The following MAL2 variants were observed in gnomAD, a reference collection of about 807,000 sequenced individuals.
MAL2 encodes protein MAL2.
Under a neutral mutation model 18.1 loss-of-function variants are expected in MAL2, and 17 were observed. That is an observed-to-expected ratio of 0.94 (90% confidence interval 0.64 to 1.41). The LOEUF (loss-of-function observed/expected upper bound fraction) is 1.41, where lower values mean the gene tolerates loss of function less well. MAL2 is among the 40% of genes most tolerant of loss of function. The pLI, the probability that MAL2 is intolerant of heterozygous loss-of-function variation, is 0.00. For synonymous variants in MAL2, 102 were observed against 102.3 expected, an observed-to-expected ratio of 1.00 and a Z score of 0.02; for missense variants, 222 against 231.9, an observed-to-expected ratio of 0.96 and a Z score of 0.28.
intron 3 of MAL2, 44 bp from the exon 4 acceptor site, chr8:119,243,373 C>A: frequency 6.8e-7 from 1 of 1,462,740 alleles, no homozygotes; most frequent in South Asian, 1.3e-5. Context: ...GTTTATAAGT[C>A]GGTGTTGTAA....
intron 2 of MAL2, among the ~76,000 whole-genome samples, chr8:119,227,054 T>A (rs939350854): frequency 6.6e-6 from 1 of 152,222 alleles, no homozygotes; most frequent in Non-Finnish European, 1.5e-5. Context: ...TACTGAGTAG[T>A]TGGCCCTATA....
At chr8:119,227,740 C>T (rs1255389554) in intron 2 of MAL2, among the ~76,000 whole-genome samples, 1 of 152,200 alleles carries the variant, frequency 6.6e-6, no homozygotes, top group African/African-American at 2.4e-5. Flanking sequence ...AGTCACTCCT[C>T]TGGGGTTCCC....
At chr8:119,217,727 T>C (rs1212855503) in intron 1 of MAL2, among the ~76,000 whole-genome samples, 2 of 152,184 alleles carry the variant, frequency 1.3e-5, no homozygotes, top group East Asian at 3.9e-4. Flanking sequence ...GCTACTGTAT[T>C]TATCATCTGT....
At chr8:119,237,957 A>T (rs1817948335) in intron 2 of MAL2, among the ~76,000 whole-genome samples, 1 of 152,214 alleles carries the variant, frequency 6.6e-6, no homozygotes, top group African/African-American at 2.4e-5. Flanking sequence ...GGCAGAAGGA[A>T]ATAAAAGGTA....
intron 2 of MAL2, among the ~76,000 whole-genome samples, chr8:119,230,179 A>G (rs1431574717): frequency 2.0e-5 from 3 of 152,224 alleles, no homozygotes; most frequent in Non-Finnish European, 4.4e-5. Flanking sequence ...CTAAAACTCC[A>G]GGAACCTCCA....
intron 2 of MAL2, among the ~76,000 whole-genome samples, chr8:119,230,441 G>C (rs559900396): frequency 2.4e-4 from 36 of 152,204 alleles, no homozygotes; most frequent in Middle Eastern, 3.4e-3. Context: ...GGCAGGATTG[G>C]GGGGGCGGGA....
rs1240530134 is a variant in MAL2, at chr8:119,244,691, G to T, written c.*1203G>T. On this transcript the variant is annotated 3_prime_UTR_variant, in exon 4 of 4. Coordinates refer to ENST00000614891, the MANE Select transcript of MAL2 (RefSeq NM_052886.3). ...AAGTTGTAGATTCTTATGTGTTTTT[G>T]TATTAGCCCAGACATCTGTAATGTT... 6.6e-6 allele frequency: 1 copy of T among 152,134 alleles called. No individual in the cohort carries two copies. Among genetic ancestry groups the T allele is most frequent in the Non-Finnish European group, 1.5e-5 (1 of 68,006 alleles). 9.4% of individuals were successfully genotyped at this position (152,134 alleles called of 1,614,324 possible).
chr8:119,218,200 T>C (rs1399113259), intron 1 of MAL2, among the ~76,000 whole-genome samples: 2 of 152,070 alleles, frequency 1.3e-5, no homozygotes, highest in Non-Finnish European at 2.9e-5. Context: ...CATATGTATT[T>C]ACTTGAGTGA....
In MAL2 at chr8:119,221,916, T is replaced by C. The variant is rs528403329; in HGVS notation, c.303+159T>C. 2.6e-4 allele frequency among the ~76,000 whole-genome samples: 40 copies of C among 152,190 alleles called. No homozygotes were observed. In the East Asian group the frequency reaches 6.0e-3, roughly 23 times the overall value. On this transcript the variant is annotated intron_variant, in intron 2 of 3. Transcript: ENST00000614891. The stretch of plus-strand genomic sequence containing the variant: ...GGTGCTGCGGTGGTGTGTGGCTGCC[T>C]TGATGGACAACAGGGCCCCAGTTTG...
At chr8:119,211,797 T>C (rs1817271862) in intron 1 of MAL2, among the ~76,000 whole-genome samples, 1 of 151,106 alleles carries the variant, frequency 6.6e-6, no homozygotes, top group African/African-American at 2.4e-5. Context: ...TACTTACCAA[T>C]GTATGCTTGC....
At chr8:119,228,131 C>T (rs1817635129) in intron 2 of MAL2, among the ~76,000 whole-genome samples, 1 of 152,180 alleles carries the variant, frequency 6.6e-6, no homozygotes, top group African/African-American at 2.4e-5. Context: ...TTACTGCCAT[C>T]CTGACTTCCA....
intron 2 of MAL2, among the ~76,000 whole-genome samples, chr8:119,228,764 G>GTAAT (rs373141634): frequency 2.0e-5 from 3 of 152,144 alleles, no homozygotes; most frequent in African/African-American, 7.2e-5. Flanking sequence ...GATGCCCTAG[G>GTAAT]TAATTAATTG....
At chr8:119,212,677 A>T (rs1296604643) in intron 1 of MAL2, among the ~76,000 whole-genome samples, 1 of 152,196 alleles carries the variant, frequency 6.6e-6, no homozygotes, top group Non-Finnish European at 1.5e-5. Context: ...TGAGGTGGGG[A>T]CATTTGAGGT....
intron 2 of MAL2, among the ~76,000 whole-genome samples, chr8:119,234,980 A>G (rs1418289040): frequency 1.3e-5 from 2 of 152,130 alleles, no homozygotes; most frequent in Non-Finnish European, 2.9e-5. Flanking sequence ...ACGAGCTGAG[A>G]GAAGAAGGCT....
intron 2 of MAL2, among the ~76,000 whole-genome samples, chr8:119,233,788 T>C (rs1398980079): frequency 6.6e-6 from 1 of 151,752 alleles, no homozygotes; most frequent in Non-Finnish European, 1.5e-5. Context: ...ACTATTCCTA[T>C]CAATAGAAAA....
In MAL2 at chr8:119,208,583, C is replaced by A; in HGVS notation, c.111C>A (p.Gly37=). 7.2e-7 allele frequency: 1 copy of A among 1,385,706 alleles called. No homozygotes were observed. The highest frequency in any genetic ancestry group is 9.4e-7 in the Non-Finnish European group (1 of 1,065,642). 85.8% of individuals were successfully genotyped at this position (1,385,706 alleles called of 1,614,324 possible). Residue 37 remains glycine (G), a synonymous_variant, in exon 1 of 4, where the codon GGC becomes GGA. Transcript: ENST00000614891. The surrounding 1 kb of genome is among the most constrained non-coding windows in gnomAD (Gnocchi z 4.3). The part of the protein sequence containing the change: ...AGPDILRTYS[G]AFVCLEILFG... ...CCGACATCCTGCGGACCTACTCGGG[C>A]GCCTTCGTCTGCCTGGAGATTGTAA...
chr8:119,238,166 T>C (rs1207854923), intron 2 of MAL2, among the ~76,000 whole-genome samples: 5 of 152,344 alleles, frequency 3.3e-5, no homozygotes, highest in Admixed American at 2.6e-4. Flanking sequence ...AGCCAAATCA[T>C]GAGTGACCTC....
chr8:119,233,415 T>TTGA (rs1817781450), intron 2 of MAL2, among the ~76,000 whole-genome samples: 1 of 151,944 alleles, frequency 6.6e-6, no homozygotes, highest in African/African-American at 2.4e-5. Context: ...ATCAACAAAA[T>TTGA]TGATAGACTG....
intron 1 of MAL2, among the ~76,000 whole-genome samples, chr8:119,213,188 A>C (rs6986732): frequency 0.22 from 33,398 of 152,152 alleles, 4,297 homozygotes; most frequent in East Asian, 0.58. Flanking sequence ...TAAATATAAG[A>C]TGTAACTCAG....
Sources: allele counts gnomAD v4.1 joint callset (sites outside exome capture counted in the v4.1 genomes callset), GRCh38; gene constraint gnomAD v4.1.1; non-coding constraint Gnocchi (gnomAD v3.1); transcripts MANE v1.5; gene names NCBI Gene and HGNC (gene_info 2026-07-23, HGNC 2026-07-21).